HERC3: variants seen among roughly 807,000 people sequenced by gnomAD.
HERC3 encodes the protein probable E3 ubiquitin-protein ligase HERC3.
A neutral mutation model predicts 129.9 loss-of-function variants in HERC3; 58 were observed. The ratio of observed to expected loss-of-function variants is 0.45; its 90% confidence interval spans 0.36 to 0.56. The LOEUF is 0.56. HERC3 is among the 20% of genes least tolerant of loss of function. The probability of loss-of-function intolerance (pLI) is 0.00; values close to 1 mark genes in which losing one functional copy is unlikely to be tolerated. For synonymous variants in HERC3, 430 were observed against 451.0 expected (o/e 0.95, Z 0.59); for missense variants, 835 against 1,244.2 (o/e 0.67, Z 4.95).
intron 3 of HERC3, among the ~76,000 whole-genome samples, chr4:88,616,825 A>G (rs1425007400): frequency 6.6e-6 from 1 of 152,182 alleles, no homozygotes; most frequent in Non-Finnish European, 1.5e-5. Context: ...AGGCTAAGTC[A>G]GTAGCACAGT....
chr4:88,600,900 A>G (rs1338530458), intron 2 of HERC3, among the ~76,000 whole-genome samples: 1 of 152,250 alleles, frequency 6.6e-6, no homozygotes, highest in Non-Finnish European at 1.5e-5. Context: ...CAAATTTATG[A>G]AATACTAAAA....
chr4:88,670,065 G>A (rs369846515), intron 15 of HERC3, 42 bp downstream of exon 15: 3 of 1,606,108 alleles, frequency 1.9e-6, no homozygotes, highest in Non-Finnish European at 2.6e-6. Flanking sequence ...TGATTAGATG[G>A]TAGGGTAAAA....
chr4:88,579,224 AAAAAAAAAATAT>A, the HERC3 span, among the ~76,000 whole-genome samples: 19 of 137,298 alleles, frequency 1.4e-4, no homozygotes, highest in African/African-American at 4.3e-4. Context: ...TCTACTAAAA[AAAAAAAAAATAT>A]ATATATATAT....
Position 88,677,950 on chromosome 4 carries a change from CTG to C in HERC3, c.2026-11_2026-10del. The stretch of plus-strand genomic sequence containing the variant: ...GTGCTCTGAGTAATTGCTTTCTTGA[CTG>C]TGCCATTCCAGGTGGCAGTCAATGG... On this transcript the variant is annotated splice_polypyrimidine_tract_variant and intron_variant, in intron 18 of 25. Transcript: ENST00000402738. 1 of 1,609,122 alleles carries C rather than the reference CTG, an allele frequency of 6.2e-7. No individual in the cohort carries two copies.
the HERC3 span, among the ~76,000 whole-genome samples, chr4:88,554,354 A>AG: frequency 6.6e-6 from 1 of 152,156 alleles, no homozygotes; most frequent in East Asian, 1.9e-4. Context: ...CCAAAAAAAA[A>AG]AAAAAAAAAA....
chr4:88,603,311 G>A (rs1463244856), intron 2 of HERC3, among the ~76,000 whole-genome samples: 1 of 151,044 alleles, frequency 6.6e-6, no homozygotes, highest in Non-Finnish European at 1.5e-5. Flanking sequence ...GGGTTCAAGC[G>A]ATTCTTGTGC....
the HERC3 span, among the ~76,000 whole-genome samples, chr4:88,557,922 TTAG>T: frequency 6.6e-6 from 1 of 150,638 alleles, no homozygotes; most frequent in Non-Finnish European, 1.5e-5. Context: ...AAATACAAAA[TTAG>T]CCAGGCATGG....
chr4:88,670,320 A>G, intron 16 of HERC3, 68 bp downstream of exon 16: 2 of 1,050,594 alleles, frequency 1.9e-6, no homozygotes, highest in South Asian at 1.4e-5. Flanking sequence ...TGAGCTGTAT[A>G]ATATGTCTTT....
At chr4:88,626,863 TTTA>T (rs1309096698) in intron 3 of HERC3, among the ~76,000 whole-genome samples, 1 of 151,250 alleles carries the variant, frequency 6.6e-6, no homozygotes, top group Non-Finnish European at 1.5e-5. Flanking sequence ...TTCAATGATT[TTTA>T]TTATTCTTTT....
chr4:88,682,993 T>A (rs573059249), intron 21 of HERC3, among the ~76,000 whole-genome samples: 1 of 152,248 alleles, frequency 6.6e-6, no homozygotes. Flanking sequence ...TGTTGTTTCA[T>A]GACTTTTTAA....
intron 3 of HERC3, among the ~76,000 whole-genome samples, chr4:88,615,898 T>G (rs1724850344): frequency 2.6e-5 from 4 of 152,232 alleles, no homozygotes; most frequent in Non-Finnish European, 5.9e-5. Flanking sequence ...AGTAGTAATT[T>G]GTGTTGACAC....
chr4:88,674,940 A>G (rs1732001104), intron 16 of HERC3, among the ~76,000 whole-genome samples: 1 of 152,228 alleles, frequency 6.6e-6, no homozygotes, highest in Non-Finnish European at 1.5e-5. Context: ...TTAAATATCC[A>G]TAAGGACAAG....
chr4:88,695,949 G>A (rs1734558526), intron 23 of HERC3: 1 of 152,550 alleles, frequency 6.6e-6, no homozygotes, highest in African/African-American at 2.4e-5. Flanking sequence ...TAACACCACA[G>A]TGATAAACAA....
At chr4:88,665,429 A>G (rs570701581) in intron 12 of HERC3, among the ~76,000 whole-genome samples, 5 of 152,344 alleles carry the variant, frequency 3.3e-5, no homozygotes, top group Non-Finnish European at 5.9e-5. Context: ...GTTCTGATGT[A>G]CAAGGGCAGG....
chr4:88,608,571 A>C (rs1450141021), intron 3 of HERC3, among the ~76,000 whole-genome samples: 1 of 152,248 alleles, frequency 6.6e-6, no homozygotes, highest in African/African-American at 2.4e-5. Context: ...TATTTTACCA[A>C]TTAATAGAAT....
chr4:88,676,487 G>A (rs1732176183), intron 18 of HERC3, 64 bp downstream of exon 18: 4 of 1,172,798 alleles, frequency 3.4e-6, no homozygotes, highest in South Asian at 1.3e-5. Context: ...ACATTCAGTT[G>A]TAATTTTTTC....
chr4:88,690,708 A>G (rs775886075), intron 23 of HERC3: 1 of 644,164 alleles, frequency 1.6e-6, no homozygotes, highest in South Asian at 6.9e-5. Flanking sequence ...TTGTCAAGTT[A>G]TTTCTCTTAG....
chr4:88,575,402 G>C, the HERC3 span, among the ~76,000 whole-genome samples: 3 of 152,310 alleles, frequency 2.0e-5, no homozygotes, highest in Middle Eastern at 0.01. Flanking sequence ...TGTCAAAGCT[G>C]ACAAGCATCA....
intron 3 of HERC3, among the ~76,000 whole-genome samples, chr4:88,641,407 T>C (rs1354058682): frequency 6.6e-6 from 1 of 152,076 alleles, no homozygotes; most frequent in African/African-American, 2.4e-5. Context: ...GAGAAAAATA[T>C]TAAGAGCATA....
Sources: allele counts gnomAD v4.1 joint callset (sites outside exome capture counted in the v4.1 genomes callset), GRCh38; gene constraint gnomAD v4.1.1; transcripts MANE v1.5; gene names NCBI Gene and HGNC (gene_info 2026-07-23, HGNC 2026-07-21).